Variants in DROSHA observed in about 807,000 individuals in gnomAD.
DROSHA encodes the protein drosha ribonuclease III, also known as ribonuclease 3.
In DROSHA, 56 loss-of-function variants were observed where a neutral mutation model predicts 181.9. That is an observed-to-expected ratio of 0.31 (90% CI 0.25 to 0.38). The LOEUF (loss-of-function observed/expected upper bound fraction) is 0.38, where lower values mean the gene tolerates loss of function less well. DROSHA is among the 10% of genes least tolerant of loss of function. DROSHA has a pLI of 1.00. For missense variants in DROSHA, 1,218 were observed against 1,743.5 expected, an observed-to-expected ratio of 0.70 and a Z score of 5.37; for synonymous variants, 524 against 591.2, an observed-to-expected ratio of 0.89 and a Z score of 1.65.
At chr5:31,412,105 G>T (rs1209734732) in intron 30 of DROSHA, among the ~76,000 whole-genome samples, 1 of 152,194 alleles carries the variant, frequency 6.6e-6, no homozygotes, top group Non-Finnish European at 1.5e-5. Flanking sequence ...CATTATAGAA[G>T]TGTCCATAAA....
chr5:31,450,695 G>T (rs1443411017), intron 21 of DROSHA, among the ~76,000 whole-genome samples: 6 of 152,016 alleles, frequency 3.9e-5, no homozygotes, highest in Non-Finnish European at 8.8e-5. Context: ...TGTTGGGAGG[G>T]GGGTGAGGGA....
chr5:31,411,278 A>T lies in DROSHA; in HGVS notation c.3526-391T>A, dbSNP rs1023654373. Among the ~76,000 whole-genome samples, 1 of 152,226 alleles carries T rather than the reference A, an allele frequency of 6.6e-6. No homozygotes were observed. The highest frequency in any genetic ancestry group is 1.9e-4 in the East Asian group (1 of 5,198). The stretch of plus-strand genomic sequence containing the variant: ...TCAATTTTATTAAAGTGTAACTTAC[A>T]TTCAATAAAATGCACCCATTTTCAG... On this transcript the variant is annotated intron_variant, in intron 30 of 35. Transcript: ENST00000344624. This position sits in a 1 kb window ranked among gnomAD's most constrained non-coding sequence, Gnocchi z 4.2.
chr5:31,430,645 T>C (rs753771739), intron 26 of DROSHA, among the ~76,000 whole-genome samples: 5 of 152,182 alleles, frequency 3.3e-5, no homozygotes, highest in Admixed American at 6.5e-5. Flanking sequence ...CTGGAGGCAA[T>C]GGTAACACCA....
In DROSHA at chr5:31,515,114, CT is replaced by C; in HGVS notation, c.1163del (p.Lys388ArgfsTer90). ...SGKDKNYTSI[K>X]EKEPEETMPD... ...GCATGGTCTCCTCGGGCTCTTTTTC[CT>C]TGATTGAGGTATAGTTCTTGTCTTT... On this transcript the variant is annotated frameshift_variant, in exon 8 of 36. Coordinates refer to ENST00000344624, the MANE Select transcript of DROSHA (RefSeq NM_001382508.1). LOFTEE classifies it high-confidence loss of function. 6.2e-7 allele frequency: 1 copy of C among 1,613,894 alleles called. No homozygotes were observed.
intron 31 of DROSHA, 86 bp downstream of exon 31, chr5:31,410,660 T>C (rs1445012911): frequency 6.7e-7 from 1 of 1,490,036 alleles, no homozygotes; most frequent in Admixed American, 2.3e-5. Flanking sequence ...AGCCAGAACA[T>C]AATAATAATG....
chr5:31,486,371 G>A, intron 14 of DROSHA, 120 bp downstream of exon 14: 2 of 935,230 alleles, frequency 2.1e-6, no homozygotes, highest in East Asian at 2.5e-5. Flanking sequence ...CAGTGAATAT[G>A]ATACTTTAGA....
chr5:31,484,376 G>T (rs1384585534), intron 15 of DROSHA, among the ~76,000 whole-genome samples: 1 of 57,394 alleles, frequency 1.7e-5, no homozygotes, highest in African/African-American at 8.9e-5. Context: ...GCGAGACTCC[G>T]TCTCAAAAAA....
chr5:31,437,346 C>T, intron 23 of DROSHA, 48 bp from the exon 24 acceptor site: 2 of 1,485,236 alleles, frequency 1.3e-6, no homozygotes, highest in East Asian at 2.6e-5. Context: ...ATTAACACTC[C>T]CCCCCACCCA....
chr5:31,458,467 T>C (rs762780577), intron 20 of DROSHA, among the ~76,000 whole-genome samples: 4 of 152,166 alleles, frequency 2.6e-5, no homozygotes, highest in Non-Finnish European at 5.9e-5. Context: ...CAAAAGTATT[T>C]TAAGTAATAA....
chr5:31,402,928 G>C (rs941643908), intron 35 of DROSHA, among the ~76,000 whole-genome samples: 1 of 152,118 alleles, frequency 6.6e-6, no homozygotes, highest in Non-Finnish European at 1.5e-5. Context: ...GATTACAGGC[G>C]TGTGCCACCA....
intron 13 of DROSHA, among the ~76,000 whole-genome samples, chr5:31,489,792 G>A (rs1240548605): frequency 6.6e-6 from 1 of 152,222 alleles, no homozygotes; most frequent in Admixed American, 6.5e-5. Flanking sequence ...GCCAACTAAA[G>A]TGGGAGGGAA....
intron 23 of DROSHA, among the ~76,000 whole-genome samples, chr5:31,443,845 A>G (rs1745945862): frequency 6.6e-6 from 1 of 152,190 alleles, no homozygotes; most frequent in South Asian, 2.1e-4. Context: ...GGATAAAAGT[A>G]GTGTGACGAA....
chr5:31,494,823 C>A (rs1017385710), intron 12 of DROSHA, among the ~76,000 whole-genome samples: 1 of 151,984 alleles, frequency 6.6e-6, no homozygotes, highest in Non-Finnish European at 1.5e-5. Context: ...TACAGGTGCC[C>A]GCCACCATGC....
At chr5:31,473,754 T>C (rs551840331) in intron 16 of DROSHA, among the ~76,000 whole-genome samples, 8 of 152,322 alleles carry the variant, frequency 5.3e-5, no homozygotes, top group Admixed American at 3.9e-4. Flanking sequence ...GAGGCTACCA[T>C]GCAGCAGTCT....
At chr5:31,461,002 C>T (rs1748343179) in intron 20 of DROSHA, among the ~76,000 whole-genome samples, 2 of 151,898 alleles carry the variant, frequency 1.3e-5, no homozygotes, top group African/African-American at 4.8e-5. Flanking sequence ...AAGTAAAGGC[C>T]AAATAAACAA....
At chr5:31,462,481 G>C (rs1036806946) in intron 20 of DROSHA, among the ~76,000 whole-genome samples, 1 of 151,966 alleles carries the variant, frequency 6.6e-6, no homozygotes, top group Non-Finnish European at 1.5e-5. Context: ...TACCAACCTC[G>C]AAACAGAATA....
At chr5:31,474,820 A>G (rs1022343105) in intron 16 of DROSHA, among the ~76,000 whole-genome samples, 3 of 152,212 alleles carry the variant, frequency 2.0e-5, no homozygotes, top group Non-Finnish European at 4.4e-5. Context: ...CCAGGTGAGG[A>G]TATAAGAAGA....
At chr5:31,429,756 A>G (rs1487480759) in intron 26 of DROSHA, among the ~76,000 whole-genome samples, 2 of 152,238 alleles carry the variant, frequency 1.3e-5, no homozygotes, top group Admixed American at 1.3e-4. Flanking sequence ...AATTCAATTT[A>G]CTAACATCTA....
At chr5:31,474,212 T>C (rs1281139633) in intron 16 of DROSHA, among the ~76,000 whole-genome samples, 1 of 152,216 alleles carries the variant, frequency 6.6e-6, no homozygotes, top group Non-Finnish European at 1.5e-5. Context: ...CATTAAGATA[T>C]GTTATATCTA....
Sources: gnomAD v4.1 joint callset for allele counts (sites outside exome capture counted in the v4.1 genomes callset) on GRCh38, gnomAD v4.1.1 for gene constraint, Gnocchi (gnomAD v3.1) non-coding constraint, MANE v1.5 for transcripts, NCBI Gene and HGNC (gene_info 2026-07-23, HGNC 2026-07-21) for gene names.